The following DPYD variants were observed in gnomAD, a reference collection of about 807,000 sequenced individuals.
DPYD encodes dihydropyrimidine dehydrogenase [NADP(+)].
In DPYD, 109 loss-of-function variants were observed where a neutral mutation model predicts 116.2. The ratio of observed to expected loss-of-function variants is 0.94; its 90% CI spans 0.80 to 1.10. DPYD has a LOEUF of 1.10. Among genes scored for constraint, DPYD ranks in the 50% least tolerant of loss-of-function variants. DPYD has a pLI of 0.00. For missense variants in DPYD, 1,302 were observed against 1,254.5 expected, an observed-to-expected ratio of 1.04 and a Z score of -0.57; for synonymous variants, 440 against 432.0, an observed-to-expected ratio of 1.02 and a Z score of -0.23.
intron 4 of DPYD, among the ~76,000 whole-genome samples, chr1:97,723,842 G>T (rs1369539433): frequency 6.6e-6 from 1 of 151,562 alleles, no homozygotes; most frequent in African/African-American, 2.4e-5. Flanking sequence ...AACAAATACA[G>T]AATAAAGATA....
intron 13 of DPYD, among the ~76,000 whole-genome samples, chr1:97,490,118 G>A (rs1678883948): frequency 6.6e-6 from 1 of 151,696 alleles, no homozygotes; most frequent in Non-Finnish European, 1.5e-5. Flanking sequence ...ACACGAAATG[G>A]TATATGAAAG....
At chr1:97,684,397 G>A (rs1326654431) in intron 7 of DPYD, among the ~76,000 whole-genome samples, 3 of 152,000 alleles carry the variant, frequency 2.0e-5, no homozygotes, top group Non-Finnish European at 4.4e-5. Context: ...CTAAGAGACT[G>A]TTAGTTATTA....
At chr1:97,562,701 C>T (rs1258264683) in intron 11 of DPYD, among the ~76,000 whole-genome samples, 2 of 152,066 alleles carry the variant, frequency 1.3e-5, no homozygotes, top group African/African-American at 4.8e-5. Context: ...CTAATTTATA[C>T]AATAGCATAT....
At chr1:97,247,418 C>A (rs181753934) in intron 18 of DPYD, among the ~76,000 whole-genome samples, 56 of 152,204 alleles carry the variant, frequency 3.7e-4, no homozygotes, top group Middle Eastern at 6.8e-3. Context: ...CAGCTACTTG[C>A]CAAAAATGGG....
chr1:97,597,947 G>C (rs1302402245), intron 8 of DPYD, among the ~76,000 whole-genome samples: 1 of 151,924 alleles, frequency 6.6e-6, no homozygotes, highest in African/African-American at 2.4e-5. Context: ...TCATGGATGT[G>C]AGATTTTTTA....
intron 10 of DPYD, among the ~76,000 whole-genome samples, chr1:97,588,792 T>C: frequency 6.6e-6 from 1 of 152,202 alleles, no homozygotes. Context: ...GGAAAGACAC[T>C]TGGAATCAGA....
chr1:97,859,769 G>C (rs1181320372), intron 2 of DPYD, among the ~76,000 whole-genome samples: 3 of 151,750 alleles, frequency 2.0e-5, no homozygotes, highest in Non-Finnish European at 4.4e-5. Context: ...TTTAATAATA[G>C]TAAAAATAAA....
chr1:97,492,079 T>C (rs1359402719), intron 13 of DPYD, among the ~76,000 whole-genome samples: 1 of 152,144 alleles, frequency 6.6e-6, no homozygotes, highest in Non-Finnish European at 1.5e-5. Flanking sequence ...TTATTTCAAA[T>C]TTGTGTCATC....
At chr1:97,393,699 G>A (rs1306356861) in intron 14 of DPYD, among the ~76,000 whole-genome samples, 1 of 152,054 alleles carries the variant, frequency 6.6e-6, no homozygotes, top group Admixed American at 6.6e-5. Flanking sequence ...ATCATTGATG[G>A]ACATTTGGGT....
intron 20 of DPYD, among the ~76,000 whole-genome samples, chr1:97,174,642 A>C (rs1307486035): frequency 1.3e-5 from 2 of 152,210 alleles, no homozygotes; most frequent in African/African-American, 4.8e-5. Flanking sequence ...GATTAAAAGT[A>C]ATTTGGGCAT....
Position 97,356,400 on chromosome 1 carries a change from T to C in DPYD, c.2058+17161A>G, listed in dbSNP as rs147911388. Among the ~76,000 whole-genome samples, 4 of 152,326 alleles carry C rather than the reference T, an allele frequency of 2.6e-5. No individual in the cohort carries two copies. The East Asian group carries it at 7.7e-4, about 29-fold the overall frequency. On this transcript the variant is annotated intron_variant, in intron 16 of 22. Coordinates refer to ENST00000370192, the MANE Select transcript of DPYD (RefSeq NM_000110.4). Reference sequence around the variant, plus strand: ...TGGGTTGCTTCTTCACTCTGTTAATTGTTTCCTTTGCTGTGCAGAAGCTTT... The same window carrying C: ...TGGGTTGCTTCTTCACTCTGTTAATCGTTTCCTTTGCTGTGCAGAAGCTTT...
intron 18 of DPYD, among the ~76,000 whole-genome samples, chr1:97,272,489 C>T (rs954563533): frequency 6.6e-6 from 1 of 152,110 alleles, no homozygotes; most frequent in African/African-American, 2.4e-5. Flanking sequence ...ATTTAAAGTA[C>T]AGATTTAAGA....
intron 16 of DPYD, among the ~76,000 whole-genome samples, chr1:97,352,301 C>G (rs1209214282): frequency 6.6e-6 from 1 of 152,182 alleles, no homozygotes; most frequent in Non-Finnish European, 1.5e-5. Flanking sequence ...AAAACCTAAA[C>G]TGATGGTTCC....
intron 8 of DPYD, among the ~76,000 whole-genome samples, chr1:97,610,374 T>C (rs747449855): frequency 6.6e-6 from 1 of 152,052 alleles, no homozygotes; most frequent in Non-Finnish European, 1.5e-5. Context: ...CTCCCTTGTG[T>C]GACCTGTGAT....
intron 13 of DPYD, among the ~76,000 whole-genome samples, chr1:97,492,625 A>C (rs979805686): frequency 1.3e-5 from 2 of 152,208 alleles, no homozygotes; most frequent in East Asian, 3.8e-4. Flanking sequence ...AGTTGATCAC[A>C]GAATGAGCAT....
intron 19 of DPYD, among the ~76,000 whole-genome samples, chr1:97,207,498 T>C (rs1010326604): frequency 3.3e-5 from 5 of 152,154 alleles, no homozygotes; most frequent in African/African-American, 1.2e-4. Flanking sequence ...GTGTTCCCAG[T>C]CTGGATGCCT....
At chr1:97,685,337 A>G (rs1342641918) in intron 7 of DPYD, among the ~76,000 whole-genome samples, 1 of 152,170 alleles carries the variant, frequency 6.6e-6, no homozygotes. Context: ...ATTGATGAAC[A>G]TACCTCAAAA....
chr1:97,127,309 G>T (rs1652922766), intron 20 of DPYD, among the ~76,000 whole-genome samples: 1 of 152,120 alleles, frequency 6.6e-6, no homozygotes, highest in Non-Finnish European at 1.5e-5. Context: ...CAATGCTGAT[G>T]GTATGTTGAA....
intron 8 of DPYD, among the ~76,000 whole-genome samples, chr1:97,605,547 A>T (rs1466576952): frequency 1.3e-5 from 2 of 151,976 alleles, no homozygotes; most frequent in Non-Finnish European, 2.9e-5. Flanking sequence ...GCAATGTGAA[A>T]CTGTGAGTCA....
Sources: allele counts gnomAD v4.1 joint callset (sites outside exome capture counted in the v4.1 genomes callset), GRCh38; gene constraint gnomAD v4.1.1; transcripts MANE v1.5; gene names NCBI Gene and HGNC (gene_info 2026-07-23, HGNC 2026-07-21).